KBTBD12: variants seen among roughly 807,000 people sequenced by gnomAD.
The protein encoded by KBTBD12 is kelch repeat and BTB domain containing 12.
A neutral mutation model predicts 58.7 loss-of-function variants in KBTBD12; 53 were observed. The observed-to-expected ratio is 0.90, with a 90% CI of 0.72 to 1.14. The LOEUF (loss-of-function observed/expected upper bound fraction) is 1.14, where lower values mean the gene tolerates loss of function less well. Among genes scored for constraint, KBTBD12 ranks in the 50% most tolerant of loss-of-function variants. The probability of loss-of-function intolerance (pLI) is 0.00; values close to 1 mark genes in which losing one functional copy is unlikely to be tolerated. For missense variants in KBTBD12, 704 were observed against 751.3 expected (o/e 0.94, Z 0.74); for synonymous variants, 236 against 259.8 (o/e 0.91, Z 0.88).
intron 5 of KBTBD12, among the ~76,000 whole-genome samples, chr3:127,972,635 G>T (rs186961408): frequency 1.9e-4 from 29 of 152,294 alleles, no homozygotes; most frequent in Non-Finnish European, 3.2e-4. Context: ...TCACAAAATA[G>T]CTGATTCTAG....
In KBTBD12 at chr3:127,963,331, C is replaced by A; in HGVS notation, c.1635C>A (p.Thr545=). The A allele has an allele frequency of 6.2e-7, 1 of 1,612,130 alleles. No individual in the cohort carries two copies. Among genetic ancestry groups the A allele is most frequent in the African/African-American group, 1.3e-5 (1 of 75,042 alleles). Residue 545 remains threonine, a synonymous_variant, in exon 5 of 6, where the codon ACC becomes ACA. Coordinates refer to ENST00000405109, the MANE Select transcript of KBTBD12 (RefSeq NM_207335.4). The part of the protein sequence containing the change: ...SPLLSLRTNS[T]NAGAVDGKLY... ...TCCTCTCACTCCGCACCAATTCCAC[C>A]AATGCAGGGGCAGTGGATGGGAAAC...
Position 127,984,565 on chromosome 3 carries a change from G to A in KBTBD12, c.*287G>A, listed in dbSNP as rs1054383427. 3.4e-6 allele frequency: 1 copy of A among 290,794 alleles called. No individual in the cohort carries two copies. Among genetic ancestry groups the A allele is most frequent in the Non-Finnish European group, 6.5e-6 (1 of 153,930 alleles). 18.0% of individuals were successfully genotyped at this position (290,794 alleles called of 1,614,324 possible). A position where few individuals can be genotyped will look rare whatever the true frequency, so the allele number is the denominator to read the frequency against. Reference sequence around the variant, plus strand: ...AGAGGGAGGGTCTCACTCTGCTGGGGACCCATGAACAGCACTGCCAAGGAG... The same window carrying A: ...AGAGGGAGGGTCTCACTCTGCTGGGAACCCATGAACAGCACTGCCAAGGAG... On this transcript the variant is annotated 3_prime_UTR_variant, in exon 6 of 6. Coordinates refer to ENST00000405109, the MANE Select transcript of KBTBD12 (RefSeq NM_207335.4).
At position 127,923,430 on chromosome 3, in the gene KBTBD12, T is replaced by C. The variant is rs1939477095; in HGVS notation, c.369T>C (p.Tyr123=). ...AAGTCTTCAGTGTGTGTCAAAAATA[T>C]ATGATGGACCACATGGATGCCTCCA... is the stretch of plus-strand genomic sequence containing the variant. ...MEEVFSVCQK[Y]MMDHMDASNC... Residue 123 remains tyrosine, a synonymous_variant, in exon 2 of 6, where the codon TAT becomes TAC. Coordinates refer to ENST00000405109, the MANE Select transcript of KBTBD12 (RefSeq NM_207335.4). 1.2e-6 allele frequency: 2 copies of C among 1,612,582 alleles called. No homozygotes were observed. The highest frequency in any genetic ancestry group is 3.3e-5 in the Admixed American group (2 of 59,932).
chr3:127,954,872 C>G (rs1301425320), intron 4 of KBTBD12, among the ~76,000 whole-genome samples: 1 of 152,156 alleles, frequency 6.6e-6, no homozygotes, highest in Non-Finnish European at 1.5e-5. Flanking sequence ...AACTCAACAT[C>G]CTCAAAATCT....
Position 127,928,206 on chromosome 3 carries a change from G to C in KBTBD12, c.1341+172G>C, listed in dbSNP as rs1213968046. 5 of 597,472 alleles carry C rather than the reference G, an allele frequency of 8.4e-6. No homozygotes were observed. The East Asian group carries it at 1.4e-4, about 17-fold the overall frequency. 37.0% of individuals were successfully genotyped at this position (597,472 alleles called of 1,614,324 possible). Reference sequence around the variant, plus strand: ...TTTAAAGTGTTAAAGCAATTTAGGAGAATGGATTTTTAAAGTGTGTTTTCA... The same window carrying C: ...TTTAAAGTGTTAAAGCAATTTAGGACAATGGATTTTTAAAGTGTGTTTTCA... On this transcript the variant is annotated intron_variant, in intron 3 of 5. Coordinates refer to ENST00000405109, the MANE Select transcript of KBTBD12 (RefSeq NM_207335.4).
At chr3:127,962,273 G>A (rs535530893) in intron 4 of KBTBD12, among the ~76,000 whole-genome samples, 25 of 152,366 alleles carry the variant, frequency 1.6e-4, no homozygotes, top group African/African-American at 5.5e-4. Context: ...ACCTTCCAGT[G>A]TGGACTTGGG....
At chr3:127,976,063 A>T (rs1049769197) in intron 5 of KBTBD12, among the ~76,000 whole-genome samples, 1 of 152,246 alleles carries the variant, frequency 6.6e-6, no homozygotes, top group Non-Finnish European at 1.5e-5. Flanking sequence ...ATACCCATAC[A>T]TATAGACAGG....
intron 4 of KBTBD12, among the ~76,000 whole-genome samples, chr3:127,945,210 A>G (rs1576381325): frequency 1.4e-5 from 1 of 72,112 alleles, no homozygotes; most frequent in African/African-American, 5.3e-5. Flanking sequence ...TTTGAGACGG[A>G]GTCTCGCTCT....
intron 4 of KBTBD12, among the ~76,000 whole-genome samples, chr3:127,962,303 G>A (rs1014525833): frequency 1.3e-5 from 2 of 152,168 alleles, no homozygotes; most frequent in Non-Finnish European, 2.9e-5. Context: ...TAAAAGCAGT[G>A]CATAGAAATG....
At chr3:127,945,384 C>T (rs1489245692) in intron 4 of KBTBD12, among the ~76,000 whole-genome samples, 1 of 150,964 alleles carries the variant, frequency 6.6e-6, no homozygotes, top group African/African-American at 2.4e-5. Context: ...CAGGGTTTCA[C>T]CCTGTTAGCC....
chr3:127,934,273 G>A (rs1576375869), intron 4 of KBTBD12, among the ~76,000 whole-genome samples: 2 of 152,184 alleles, frequency 1.3e-5, no homozygotes, highest in East Asian at 3.8e-4. Context: ...AAAAGAACCA[G>A]TGGAAATGTT....
At chr3:127,953,724 A>T (rs1940258767) in intron 4 of KBTBD12, among the ~76,000 whole-genome samples, 1 of 152,248 alleles carries the variant, frequency 6.6e-6, no homozygotes, top group Non-Finnish European at 1.5e-5. Flanking sequence ...CATATTAGTC[A>T]TATACTGGAT....
intron 5 of KBTBD12, among the ~76,000 whole-genome samples, chr3:127,965,980 A>ATGATAC (rs1432560976): frequency 3.9e-5 from 6 of 152,222 alleles, no homozygotes; most frequent in African/African-American, 1.4e-4. Context: ...TGAAATGAAA[A>ATGATAC]TGATACTGAA....
intron 1 of KBTBD12, among the ~76,000 whole-genome samples, chr3:127,917,488 A>C (rs1939278323): frequency 6.6e-6 from 1 of 152,158 alleles, no homozygotes; most frequent in South Asian, 2.1e-4. Flanking sequence ...GCTTCATTAC[A>C]TAGGCATGCT....
Position 127,923,038 on chromosome 3 carries a change from G to A in KBTBD12, c.-24G>A. ...TCAAGCTACACTTAAAGAAGACTTA[G>A]TTGGAAACTTTGGAGAGTAGATCAT... On this transcript the variant is annotated 5_prime_UTR_variant, in exon 2 of 6. Coordinates refer to ENST00000405109, the MANE Select transcript of KBTBD12 (RefSeq NM_207335.4). The A allele has an allele frequency of 1.4e-6, 2 of 1,425,376 alleles. No homozygotes were observed. The highest frequency in any genetic ancestry group is 2.0e-6 in the Non-Finnish European group (2 of 1,019,814). 88.3% of individuals were successfully genotyped at this position (1,425,376 alleles called of 1,614,324 possible).
chr3:127,921,210 G>T (rs1939398555), intron 1 of KBTBD12, among the ~76,000 whole-genome samples: 1 of 151,962 alleles, frequency 6.6e-6, no homozygotes. Context: ...GAGAAAACTA[G>T]AACATAAAGA....
At chr3:127,948,391 C>CGAGA (rs1940134283) in intron 4 of KBTBD12, among the ~76,000 whole-genome samples, 1 of 152,246 alleles carries the variant, frequency 6.6e-6, no homozygotes, top group Non-Finnish European at 1.5e-5. Context: ...TGGCCCCGTA[C>CGAGA]TCTCTGGTAC....
rs369598602 is a variant in KBTBD12 at position 127,923,977 on chromosome 3, C to T, written c.916C>T (p.Arg306Trp). Residue 306 changes from arginine to tryptophan, a missense_variant, in exon 2 of 6, where the codon CGG becomes TGG. Physicochemically the swap from Arg to Trp is moderately radical, Grantham distance 101. Coordinates refer to ENST00000405109, the MANE Select transcript of KBTBD12 (RefSeq NM_207335.4). ...CAGTTTTTGTTATGATCCTGTATCACGGAAAACCTATTTCATCTCATCTCC... is the reference window on the plus strand; with the variant it reads ...CAGTTTTTGTTATGATCCTGTATCATGGAAAACCTATTTCATCTCATCTCC... ...DASFCYDPVS[R>W]KTYFISSPKY... 19 of 1,613,676 alleles carry T rather than the reference C, an allele frequency of 1.2e-5. No individual in the cohort carries two copies. The highest frequency in any genetic ancestry group is 1.6e-4 in the Middle Eastern group (1 of 6,084).
intron 5 of KBTBD12, among the ~76,000 whole-genome samples, chr3:127,980,898 G>C (rs1940862513): frequency 6.6e-6 from 1 of 151,846 alleles, no homozygotes. Context: ...ATTTTTTGTT[G>C]GTTTTCATTT....
Sources: allele counts gnomAD v4.1 joint callset (sites outside exome capture counted in the v4.1 genomes callset), GRCh38; gene constraint gnomAD v4.1.1; transcripts MANE v1.5; gene names NCBI Gene and HGNC (gene_info 2026-07-23, HGNC 2026-07-21).